Variants in MKI67 observed in about 807,000 individuals in gnomAD.
The protein encoded by MKI67 is proliferation marker protein Ki-67.
MKI67 carries 152 observed loss-of-function variants against 233.5 expected under a neutral mutation model. The ratio of observed to expected loss-of-function variants is 0.65; its 90% CI spans 0.57 to 0.74. The LOEUF is 0.74. MKI67 is among the 30% of genes least tolerant of loss of function. The pLI is 0.00. For synonymous variants in MKI67, 1,465 were observed against 1,418.5 expected (o/e 1.03, Z -0.74); for missense variants, 3,940 against 3,885.2 (o/e 1.01, Z -0.37).
rs1257180139 is a variant in MKI67 at position 128,101,527 on chromosome 10, T to C, written c.9436A>G (p.Arg3146Gly). 3 of 1,614,246 alleles carry C rather than the reference T, an allele frequency of 1.9e-6. No homozygotes were observed. The highest frequency in any genetic ancestry group is 8.5e-7 in the Non-Finnish European group (1 of 1,180,034). ...PDDGARKPIP[R>G]DKVTENKRCL... ...CTTTTGTTCTCAGTGACTTTGTCTC[T>C]AGGTATGGGTTTCCGGGCTCCATCA... Residue 3146 changes from arginine (R) to glycine (G), a missense_variant, in exon 14 of 15, where the codon AGA becomes GGA. Arg to Gly is a moderately radical substitution (Grantham distance 125, BLOSUM62 -2). Transcript: ENST00000368654.
rs938525844 is a variant in MKI67, at chr10:128,112,415, A to G, written c.1687T>C (p.Ser563Pro). Reference sequence around the variant, plus strand: ...ACTTCCACATGGATTTCTGAACCTGACTCTTGTTTTCCTGATGGTTGAGGC... The same window carrying G: ...ACTTCCACATGGATTTCTGAACCTGGCTCTTGTTTTCCTGATGGTTGAGGC... Reference protein sequence around the residue: ...EQPQPSGKQESGSEIHVEVKA... With the variant: ...EQPQPSGKQEPGSEIHVEVKA... The change falls in exon 9 of 15, where the codon TCA (serine) becomes CCA (proline). Residue 563 changes from serine (S) to proline (P), a missense_variant. Coordinates refer to ENST00000368654, the MANE Select transcript of MKI67 (RefSeq NM_002417.5). 6.2e-7 allele frequency: 1 copy of G among 1,613,920 alleles called. No homozygotes were observed. Among genetic ancestry groups the G allele is most frequent in the African/African-American group, 1.3e-5 (1 of 74,896 alleles).
chr10:128,101,929 T>G (rs1852346110), intron 13 of MKI67, among the ~76,000 whole-genome samples: 1 of 152,170 alleles, frequency 6.6e-6, no homozygotes, highest in Non-Finnish European at 1.5e-5. Context: ...AATAAGGAAT[T>G]CAGGATAAAT....
chr10:128,113,497 C>A lies in MKI67; in HGVS notation c.1586G>T (p.Arg529Met). ...CTTTCTTTTGGTTGGGGCTTCTCCC[C>A]TTTTGAGAGGCGTATTAGGAGGCAA... ...ENLPPNTPLK[R>M]GEAPTKRKSL... The change falls in exon 8 of 15, where the codon AGG becomes ATG. Residue 529 changes from arginine (R) to methionine (M), a missense_variant. By Grantham distance (91) the Arg-to-Met change is moderately conservative. Coordinates refer to ENST00000368654, the MANE Select transcript of MKI67 (RefSeq NM_002417.5). The A allele has an allele frequency of 6.2e-7, 1 of 1,614,132 alleles. No homozygotes were observed. The highest frequency in any genetic ancestry group is 8.5e-7 in the Non-Finnish European group (1 of 1,180,032).
rs771337138 is a variant in MKI67 at position 128,103,744 on chromosome 10, C to A, written c.8096G>T (p.Gly2699Val). 6.2e-7 allele frequency: 1 copy of A among 1,613,582 alleles called. No individual in the cohort carries two copies. The highest frequency in any genetic ancestry group is 8.5e-7 in the Non-Finnish European group (1 of 1,179,920). ...SGHTQESLTA[G>V]KATKIPCESP... ...TTCGCAGGGTATTTTAGTGGCTTTG[C>A]CAGCAGTCAGTGATTCCTGAGTGTG... Residue 2699 changes from glycine (G) to valine (V), a missense_variant, in exon 13 of 15, where the codon GGC becomes GTC. Gly to Val is a moderately radical substitution (Grantham distance 109, BLOSUM62 -3). Transcript: ENST00000368654.
chr10:128,099,107 T>C lies in MKI67; in HGVS notation c.*83A>G. 9.3e-7 allele frequency: 1 copy of C among 1,080,394 alleles called. No homozygotes were observed. The highest frequency in any genetic ancestry group is 2.5e-5 in the East Asian group (1 of 39,736). 66.9% of individuals were successfully genotyped at this position (1,080,394 alleles called of 1,614,324 possible). Reference sequence around the variant, plus strand: ...AGACTGACAGCCTTACTTACAGAATTCACTTGTAATTTATGACAAAAACTG... The same window carrying C: ...AGACTGACAGCCTTACTTACAGAATCCACTTGTAATTTATGACAAAAACTG... On this transcript the variant is annotated 3_prime_UTR_variant, in exon 15 of 15. Transcript: ENST00000368654.
chr10:128,109,285 G>T lies in MKI67; in HGVS notation c.2555C>A (p.Thr852Asn), dbSNP rs771795113. The T allele has an allele frequency of 7.4e-6, 12 of 1,614,168 alleles. No individual in the cohort carries two copies. In the South Asian group the frequency reaches 8.8e-5, roughly 12 times the overall value. ...ATCTGAAGTTTTTGTCTCCAGAGAA[G>T]TCATTTTGTAGGTGTTCCTGGGCGT... ...AKTPRNTYKM[T>N]SLETKTSDTE... Residue 852 changes from threonine (T) to asparagine (N), a missense_variant, in exon 13 of 15, where the codon ACT becomes AAT. By Grantham distance (65) the Thr-to-Asn change is moderately conservative. Coordinates refer to ENST00000368654, the MANE Select transcript of MKI67 (RefSeq NM_002417.5).
At chr10:128,101,146 C>T in intron 14 of MKI67, 112 bp downstream of exon 14, 3 of 959,544 alleles carry the variant, frequency 3.1e-6, no homozygotes, top group Admixed American at 2.5e-5. Flanking sequence ...TAACTGGGAG[C>T]TGGCAGAGTG....
chr10:128,120,829 T>A (rs149855273), intron 4 of MKI67, among the ~76,000 whole-genome samples: 89 of 152,224 alleles, frequency 5.8e-4, no homozygotes, highest in African/African-American at 2.0e-3. Context: ...ACTGGAGTAC[T>A]GTACTAACAT....
intron 14 of MKI67, among the ~76,000 whole-genome samples, chr10:128,100,866 T>G (rs1284798963): frequency 6.6e-6 from 1 of 152,252 alleles, no homozygotes; most frequent in Non-Finnish European, 1.5e-5. Context: ...GAAATTTTTC[T>G]GTTTCAATAG....
chr10:128,099,984 T>C (rs567305492), intron 14 of MKI67, among the ~76,000 whole-genome samples: 27 of 152,288 alleles, frequency 1.8e-4, no homozygotes, highest in African/African-American at 6.5e-4. Flanking sequence ...TCACCCTTCT[T>C]TGGTTTCATT....
In MKI67 at chr10:128,099,069, T is replaced by C; in HGVS notation, c.*121A>G. On this transcript the variant is annotated 3_prime_UTR_variant, in exon 15 of 15. Transcript: ENST00000368654. ...TTCAGACCCAGCAAATCCAAAGTTT[T>C]CTTCCCTTAAGCAGACTGACAGCCT... 1 of 708,900 alleles carries C rather than the reference T, an allele frequency of 1.4e-6. No individual in the cohort carries two copies. The highest frequency in any genetic ancestry group is 2.2e-6 in the Non-Finnish European group (1 of 446,060). 43.9% of individuals were successfully genotyped at this position (708,900 alleles called of 1,614,324 possible). A position where few individuals can be genotyped will look rare whatever the true frequency, so the allele number is the denominator to read the frequency against.
At position 128,106,575 on chromosome 10, in the gene MKI67, G is replaced by T. The variant is rs779629548; in HGVS notation, c.5265C>A (p.Pro1755=). The change falls in exon 13 of 15, where the codon CCC becomes CCA. Residue 1755 remains proline, a synonymous_variant. Transcript: ENST00000368654. ...TGTCTGCTTTCCTGAGACTTCTCTTGGGCTGTGGCTTGGAGCTTGTTGGGG... is the reference window on the plus strand; with the variant it reads ...TGTCTGCTTTCCTGAGACTTCTCTTTGGCTGTGGCTTGGAGCTTGTTGGGG... ...VDTPTSSKPQ[P]KRSLRKADTE... is the part of the protein sequence containing the mutation. The T allele has an allele frequency of 2.5e-6, 4 of 1,614,058 alleles. No homozygotes were observed. Among genetic ancestry groups the T allele is most frequent in the Non-Finnish European group, 3.4e-6 (4 of 1,180,036 alleles).
chr10:128,119,239 A>G lies in MKI67; in HGVS notation c.354+14T>C, dbSNP rs1376670286. The G allele has an allele frequency of 6.3e-7, 1 of 1,578,334 alleles. No individual in the cohort carries two copies. The highest frequency in any genetic ancestry group is 2.2e-5 in the East Asian group (1 of 44,658). On this transcript the variant is annotated intron_variant, in intron 5 of 14. Transcript: ENST00000368654. ...TCGAAACGAATCAGCCCAAACTTGG[A>G]TATTTTCTATCACCTGTTCACGTAT...
intron 13 of MKI67, 34 bp from the exon 14 acceptor site, chr10:128,101,735 A>G (rs1852341752): frequency 1.3e-6 from 2 of 1,522,116 alleles, no homozygotes; most frequent in Non-Finnish European, 1.8e-6. Flanking sequence ...CAAAATTCCA[A>G]TAATTAGTAA....
chr10:128,097,845 G>A lies in MKI67; in HGVS notation c.*1345C>T, dbSNP rs1852244662. ...CCCTTACGATCATGGATGACGCTGT[G>A]AGAACCCTATCATGGCAGCCAATAT... On this transcript the variant is annotated 3_prime_UTR_variant, in exon 15 of 15. Transcript: ENST00000368654. 6.6e-6 allele frequency: 1 copy of A among 152,144 alleles called. No homozygotes were observed. 9.4% of individuals were successfully genotyped at this position (152,144 alleles called of 1,614,324 possible). A position where few individuals can be genotyped will look rare whatever the true frequency, so the allele number is the denominator to read the frequency against.
In MKI67 at chr10:128,099,127, A is replaced by C. The variant is rs1852277311; in HGVS notation, c.*63T>G. 3 of 1,303,244 alleles carry C rather than the reference A, an allele frequency of 2.3e-6. No homozygotes were observed. Among genetic ancestry groups the C allele is most frequent in the Admixed American group, 3.9e-5 (2 of 51,342 alleles). The allele number at this position is 1,303,244 out of a possible 1,614,324, so 80.7% of individuals were successfully genotyped here. On this transcript the variant is annotated 3_prime_UTR_variant, in exon 15 of 15. Transcript: ENST00000368654. ...AGAATTCACTTGTAATTTATGACAA[A>C]AACTGCACTAGAACTTATCACAAAA...
Position 128,104,638 on chromosome 10 carries a change from T to C in MKI67, c.7202A>G (p.Asn2401Ser). 1 of 1,613,912 alleles carries C rather than the reference T, an allele frequency of 6.2e-7. No individual in the cohort carries two copies. The highest frequency in any genetic ancestry group is 8.5e-7 in the Non-Finnish European group (1 of 1,179,994). ...KPAVSDEKNINTFVETPVQKL... is the reference protein window; with the variant it reads ...KPAVSDEKNISTFVETPVQKL... ...CTGCACTGGAGTTTCCACAAATGTG[T>C]TGATATTTTTCTCATCACTTACTGC... The change falls in exon 13 of 15, where the codon AAC (asparagine) becomes AGC (serine). Residue 2401 changes from asparagine to serine, a missense_variant. Asn to Ser is a conservative substitution (Grantham distance 46). Coordinates refer to ENST00000368654, the MANE Select transcript of MKI67 (RefSeq NM_002417.5).
Position 128,103,857 on chromosome 10 carries a change from G to T in MKI67, c.7983C>A (p.Pro2661=). The T allele has an allele frequency of 1.9e-6, 3 of 1,614,006 alleles. No individual in the cohort carries two copies. The highest frequency in any genetic ancestry group is 2.5e-6 in the Non-Finnish European group (3 of 1,180,012). The change falls in exon 13 of 15, where the codon CCC becomes CCA. Residue 2661 remains proline (P), a synonymous_variant. Transcript: ENST00000368654. ...KKKPNPVEEE[P]SRRRPRAPKE... ...TAGGTGCTCTTGGCCTTCTCCTGCT[G>T]GGTTCCTCTTCTACTGGGTTTGGTT...
intron 7 of MKI67, among the ~76,000 whole-genome samples, chr10:128,114,075 T>C (rs1436416900): frequency 6.6e-6 from 1 of 152,114 alleles, no homozygotes; most frequent in Non-Finnish European, 1.5e-5. Context: ...TTAATGTAAA[T>C]CCCTTGCCTA....
Sources: gnomAD v4.1 joint callset for allele counts (sites outside exome capture counted in the v4.1 genomes callset) on GRCh38, gnomAD v4.1.1 for gene constraint, MANE v1.5 for transcripts, NCBI Gene and HGNC (gene_info 2026-07-23, HGNC 2026-07-21) for gene names.